Variants in RUNDC3B observed in about 807,000 individuals in gnomAD.
The protein encoded by RUNDC3B is RUN domain containing 3B.
RUNDC3B carries 33 observed loss-of-function variants against 58.4 expected under a neutral mutation model. That is an observed-to-expected ratio of 0.56 (90% CI 0.43 to 0.75). The LOEUF (loss-of-function observed/expected upper bound fraction) is 0.75, where lower values mean the gene tolerates loss of function less well. Ranked by LOEUF, RUNDC3B falls within the 30% of genes least tolerant of loss-of-function variation. The probability of loss-of-function intolerance (pLI) is 0.00; values close to 1 mark genes in which losing one functional copy is unlikely to be tolerated. For missense variants in RUNDC3B, 501 were observed against 535.7 expected (o/e 0.94, Z 0.64); for synonymous variants, 193 against 195.2 (o/e 0.99, Z 0.10).
intron 6 of RUNDC3B, among the ~76,000 whole-genome samples, chr7:87,769,012 CT>C (rs908150688): frequency 6.6e-6 from 1 of 151,330 alleles, no homozygotes; most frequent in South Asian, 2.1e-4. Flanking sequence ...ACCACCACTC[CT>C]TTTTTTTGAG....
chr7:87,806,832 C>T (rs953409973), intron 8 of RUNDC3B, among the ~76,000 whole-genome samples: 1 of 151,974 alleles, frequency 6.6e-6, no homozygotes, highest in African/African-American at 2.4e-5. Context: ...GGATTCAAGC[C>T]AGCAACAGTG....
intron 1 of RUNDC3B, among the ~76,000 whole-genome samples, chr7:87,642,706 G>T (rs766840279): frequency 1.3e-5 from 2 of 151,998 alleles, no homozygotes; most frequent in Non-Finnish European, 2.9e-5. Flanking sequence ...TCAGCAAACT[G>T]TCTTTTTTAT....
intron 1 of RUNDC3B, among the ~76,000 whole-genome samples, chr7:87,641,082 A>G (rs1008216518): frequency 6.6e-6 from 1 of 151,878 alleles, no homozygotes; most frequent in Non-Finnish European, 1.5e-5. Flanking sequence ...CTTTTGTCAC[A>G]TCTAGAATGT....
intron 3 of RUNDC3B, among the ~76,000 whole-genome samples, chr7:87,701,835 T>A (rs988984820): frequency 2.0e-5 from 3 of 151,922 alleles, no homozygotes; most frequent in African/African-American, 7.2e-5. Context: ...CTAAAGAGAT[T>A]AGAAAAAAAT....
chr7:87,693,907 G>T, intron 2 of RUNDC3B: 1 of 1,607,048 alleles, frequency 6.2e-7, no homozygotes, highest in Non-Finnish European at 8.5e-7. Flanking sequence ...TTTTTTTAAA[G>T]AGATTTCCCA....
intron 1 of RUNDC3B, among the ~76,000 whole-genome samples, chr7:87,642,367 T>C (rs1822544970): frequency 6.6e-6 from 1 of 152,088 alleles, no homozygotes; most frequent in Non-Finnish European, 1.5e-5. Context: ...CTGCTTTTAA[T>C]GTCTAGCTTA....
chr7:87,715,245 T>G (rs973404743), intron 4 of RUNDC3B, among the ~76,000 whole-genome samples: 2 of 136,648 alleles, frequency 1.5e-5, no homozygotes, highest in African/African-American at 5.4e-5. Context: ...TTTATATATA[T>G]AATTATATTA....
chr7:87,825,206 G>A (rs569677536), intron 10 of RUNDC3B, among the ~76,000 whole-genome samples: 1 of 151,828 alleles, frequency 6.6e-6, no homozygotes, highest in African/African-American at 2.4e-5. Context: ...GTGACAGAGC[G>A]AGACTCCATC....
intron 9 of RUNDC3B, among the ~76,000 whole-genome samples, chr7:87,810,283 A>ACACAT (rs1836642888): frequency 6.6e-6 from 1 of 152,244 alleles, no homozygotes; most frequent in African/African-American, 2.4e-5. Context: ...CAGTGGATGT[A>ACACAT]GGCAGCTTTT....
At chr7:87,644,613 G>T (rs1313923232) in intron 1 of RUNDC3B, among the ~76,000 whole-genome samples, 2 of 152,066 alleles carry the variant, frequency 1.3e-5, no homozygotes, top group Admixed American at 1.3e-4. Flanking sequence ...TCCATATAAA[G>T]GGATATAACA....
chr7:87,758,736 GT>G (rs1833515652), intron 6 of RUNDC3B, among the ~76,000 whole-genome samples: 1 of 152,068 alleles, frequency 6.6e-6, no homozygotes, highest in Non-Finnish European at 1.5e-5. Context: ...AGTGTACAAC[GT>G]CATTAATCAA....
chr7:87,638,742 G>A (rs1443686863), intron 1 of RUNDC3B, among the ~76,000 whole-genome samples: 2 of 151,452 alleles, frequency 1.3e-5, no homozygotes, highest in African/African-American at 4.9e-5. Flanking sequence ...ATTTTGCTAG[G>A]CATTTATTAA....
chr7:87,762,044 T>C (rs958027295), intron 6 of RUNDC3B, among the ~76,000 whole-genome samples: 1 of 151,760 alleles, frequency 6.6e-6, no homozygotes, highest in Admixed American at 6.6e-5. Flanking sequence ...TTGTATTTGC[T>C]CTGGGTTTTA....
rs971847053 is a variant in RUNDC3B, at chr7:87,736,448, T to C, written c.459-3343T>C. Reference sequence around the variant, plus strand: ...GGAATATATTTCAATTAGAGTTAAATTATATGTGGTAAAAGAAAAGCATAT... The same window carrying C: ...GGAATATATTTCAATTAGAGTTAAACTATATGTGGTAAAAGAAAAGCATAT... On this transcript the variant is annotated intron_variant, in intron 4 of 10. Transcript: ENST00000394654. Among the ~76,000 whole-genome samples, 12 of 152,206 alleles carry C rather than the reference T, an allele frequency of 7.9e-5. No individual in the cohort carries two copies. The East Asian group carries it at 1.2e-3, about 15-fold the overall frequency.
rs144804126 is a variant in RUNDC3B, at chr7:87,814,844, A to G, written c.1104-1297A>G. Among the ~76,000 whole-genome samples the G allele has an allele frequency of 6.0e-4, 91 of 152,332 alleles. 1 individual carries two copies. The East Asian group carries it at 0.017, about 29-fold the overall frequency. On this transcript the variant is annotated intron_variant, in intron 9 of 10. Transcript: ENST00000394654. ...AGAACACTGTATTATAAGCTGGTAA[A>G]GTGATTCTGTCACCTCATTCTTCAT...
intron 2 of RUNDC3B, among the ~76,000 whole-genome samples, chr7:87,657,722 T>C (rs1824256092): frequency 6.6e-6 from 1 of 152,136 alleles, no homozygotes; most frequent in Non-Finnish European, 1.5e-5. Context: ...TGTCTTTCAC[T>C]GTCACCCAGT....
chr7:87,758,065 A>G (rs1833470791), intron 6 of RUNDC3B, among the ~76,000 whole-genome samples: 1 of 152,208 alleles, frequency 6.6e-6, no homozygotes. Flanking sequence ...TATGCCTTTA[A>G]TCTCAGCAAT....
At chr7:87,680,272 A>T (rs1024736762) in intron 2 of RUNDC3B, among the ~76,000 whole-genome samples, 1 of 150,546 alleles carries the variant, frequency 6.6e-6, no homozygotes, top group African/African-American at 2.5e-5. Context: ...AATCCAGTCT[A>T]TCATTGATAG....
rs1772158547 is a variant in RUNDC3B at position 87,819,650 on chromosome 7, C to T, written c.1225+3388C>T. Among the ~76,000 whole-genome samples, 6 of 152,284 alleles carry T rather than the reference C, an allele frequency of 3.9e-5. No individual in the cohort carries two copies. The South Asian group carries it at 1.2e-3, about 32-fold the overall frequency. On this transcript the variant is annotated intron_variant, in intron 10 of 10. Coordinates refer to ENST00000394654, the MANE Select transcript of RUNDC3B (RefSeq NM_001134405.2). ...ACATAGTTGGAAGTAAAGCACTCCT[C>T]AGCAAATGTAAAAGAACAGAAACTA...
Sources: allele counts gnomAD v4.1 joint callset (sites outside exome capture counted in the v4.1 genomes callset), GRCh38; gene constraint gnomAD v4.1.1; transcripts MANE v1.5; gene names NCBI Gene and HGNC (gene_info 2026-07-23, HGNC 2026-07-21).